SCAMP1: variants seen among roughly 807,000 people sequenced by gnomAD.
SCAMP1 encodes secretory carrier membrane protein 1.
A neutral mutation model predicts 41.8 loss-of-function variants in SCAMP1; 15 were observed. That is an observed-to-expected ratio of 0.36 (90% CI 0.24 to 0.55). The LOEUF (loss-of-function observed/expected upper bound fraction) is 0.55. Ranked by LOEUF, SCAMP1 falls within the 20% of genes least tolerant of loss-of-function variation. The pLI, the probability that SCAMP1 is intolerant of heterozygous loss-of-function variation, is 0.86. For missense variants in SCAMP1, 341 were observed against 412.6 expected (o/e 0.83, Z 1.50); for synonymous variants, 135 against 136.8 (o/e 0.99, Z 0.09).
chr5:78,376,802 A>G (rs533029470), intron 1 of SCAMP1, among the ~76,000 whole-genome samples: 25 of 152,274 alleles, frequency 1.6e-4, no homozygotes, highest in Middle Eastern at 3.4e-3. Context: ...TGGCAGATTG[A>G]TCTCTGGGGT....
intron 1 of SCAMP1, among the ~76,000 whole-genome samples, chr5:78,373,369 A>T (rs1750987847): frequency 6.6e-6 from 1 of 152,194 alleles, no homozygotes; most frequent in African/African-American, 2.4e-5. Flanking sequence ...TTTTTGCAAT[A>T]TGCTACTTAC....
At chr5:78,429,090 G>A (rs906205523) in intron 6 of SCAMP1, among the ~76,000 whole-genome samples, 2 of 152,012 alleles carry the variant, frequency 1.3e-5, no homozygotes, top group East Asian at 1.9e-4. Flanking sequence ...AAATAAAAAT[G>A]TTTGCTTATT....
At chr5:78,362,494 T>G (rs967787623) in intron 1 of SCAMP1, among the ~76,000 whole-genome samples, 19 of 152,202 alleles carry the variant, frequency 1.2e-4, no homozygotes, top group African/African-American at 4.3e-4. Flanking sequence ...AACCCAGGAG[T>G]TGTTTTAAAT....
intron 8 of SCAMP1, among the ~76,000 whole-genome samples, chr5:78,469,913 C>CAAAAAAAAAAAAAAAAAAAAAA (rs1561290939): frequency 8.6e-4 from 20 of 23,188 alleles, no homozygotes; most frequent in South Asian, 1.7e-3. Flanking sequence ...AAAAAAAAAA[C>CAAAAAAAAAAAAAAAAAAAAAA]AAAAAAAAAA....
At chr5:78,457,406 C>G (rs368353123) in intron 7 of SCAMP1, among the ~76,000 whole-genome samples, 5 of 152,094 alleles carry the variant, frequency 3.3e-5, no homozygotes, top group East Asian at 3.9e-4. Flanking sequence ...TTCTAACAGA[C>G]AGGACCCTCA....
intron 1 of SCAMP1, among the ~76,000 whole-genome samples, chr5:78,374,866 G>C (rs917214123): frequency 2.0e-5 from 3 of 152,000 alleles, no homozygotes; most frequent in African/African-American, 7.2e-5. Context: ...TCAAAATCAT[G>C]ATTTATTGAA....
rs147322320 is a variant in SCAMP1, at chr5:78,469,932, ACAAC to A, written c.853-5571_853-5568del. On this transcript the variant is annotated intron_variant, in intron 8 of 8. Coordinates refer to ENST00000621999, the MANE Select transcript of SCAMP1 (RefSeq NM_004866.6). ...AAAAAACAAAAAAAAAAAAAAAAAA[ACAAC>A]AACACAGCCCAGGCATGGTGGTGTG... 2.1e-3 allele frequency among the ~76,000 whole-genome samples: 33 copies of A among 15,726 alleles called. 1 individual carries two copies. Among genetic ancestry groups the A allele is most frequent in the East Asian group, 7.7e-3 (3 of 388 alleles). The allele number at this position is 15,726 out of a possible 152,430, so 10.3% of individuals were successfully genotyped here.
intron 1 of SCAMP1, among the ~76,000 whole-genome samples, chr5:78,373,317 A>C (rs1007616857): frequency 6.6e-6 from 1 of 152,184 alleles, no homozygotes; most frequent in Non-Finnish European, 1.5e-5. Flanking sequence ...TAGAAAAAGC[A>C]TGTATTACTA....
chr5:78,388,853 A>G lies in SCAMP1; in HGVS notation c.74A>G (p.Gln25Arg), dbSNP rs1456757826. The G allele has an allele frequency of 1.3e-6, 2 of 1,543,642 alleles. No individual in the cohort carries two copies. The highest frequency in any genetic ancestry group is 1.8e-6 in the Non-Finnish European group (2 of 1,121,724). The change falls in exon 2 of 9, where the codon CAA becomes CGA. Residue 25 changes from glutamine to arginine, a missense_variant. Transcript: ENST00000621999. ...NNPFKDPSVT[Q>R]VTRNVPPGLD... Reference sequence around the variant, plus strand: ...TTATTCTAGGATCCATCAGTTACACAAGTGACAAGAAATGTTCCACCAGGA... The same window carrying G: ...TTATTCTAGGATCCATCAGTTACACGAGTGACAAGAAATGTTCCACCAGGA...
At chr5:78,429,943 A>T (rs1752561849) in intron 6 of SCAMP1, among the ~76,000 whole-genome samples, 1 of 141,662 alleles carries the variant, frequency 7.1e-6, no homozygotes, top group Admixed American at 6.8e-5. Flanking sequence ...CCCAACACAC[A>T]TGCATCTTTT....
intron 2 of SCAMP1, among the ~76,000 whole-genome samples, chr5:78,401,222 T>G (rs1000135304): frequency 1.3e-5 from 2 of 152,280 alleles, no homozygotes. Flanking sequence ...GTTTCATATA[T>G]GGTTGGATTC....
chr5:78,416,701 A>G lies in SCAMP1; in HGVS notation c.343+52A>G, dbSNP rs1460446050. ...AAATAACTTTTAAATACTTTACATT[A>G]TGTCTATACTAGCTCCTAGGTCATT... On this transcript the variant is annotated intron_variant, in intron 4 of 8. Coordinates refer to ENST00000621999, the MANE Select transcript of SCAMP1 (RefSeq NM_004866.6). The G allele has an allele frequency of 3.0e-6, 4 of 1,324,802 alleles. No individual in the cohort carries two copies. In the East Asian group the frequency reaches 7.6e-5, roughly 25 times the overall value. 82.1% of individuals were successfully genotyped at this position (1,324,802 alleles called of 1,614,324 possible).
chr5:78,480,168 T>C lies in SCAMP1; in HGVS notation c.*4500T>C, dbSNP rs1380827084. On this transcript the variant is annotated 3_prime_UTR_variant, in exon 9 of 9. Transcript: ENST00000621999. ...TTGTGTTTGTCCAAATCCTGATTTA[T>C]TTTTCAGTTCATATCTTTCTGGGCT... Among the ~76,000 whole-genome samples the C allele has an allele frequency of 6.6e-6, 1 of 152,234 alleles. No homozygotes were observed. Among genetic ancestry groups the C allele is most frequent in the African/African-American group, 2.4e-5 (1 of 41,464 alleles).
intron 7 of SCAMP1, among the ~76,000 whole-genome samples, chr5:78,456,277 T>C (rs1404705770): frequency 6.6e-6 from 1 of 150,680 alleles, no homozygotes; most frequent in Admixed American, 6.6e-5. Context: ...TTCTTCCTAG[T>C]CTCGATGGTC....
intron 2 of SCAMP1, among the ~76,000 whole-genome samples, chr5:78,409,167 G>A (rs921796610): frequency 1.3e-5 from 2 of 152,112 alleles, no homozygotes; most frequent in Non-Finnish European, 2.9e-5. Flanking sequence ...TAGTAATTTG[G>A]TGAATGGTTT....
intron 8 of SCAMP1, among the ~76,000 whole-genome samples, chr5:78,460,654 A>G (rs1266554040): frequency 6.6e-6 from 1 of 150,804 alleles, no homozygotes; most frequent in Non-Finnish European, 1.5e-5. Flanking sequence ...GTCCTTTGTC[A>G]GATGCATAGT....
chr5:78,460,817 CTTCCTTTCTT>C (rs1473507014), intron 8 of SCAMP1, among the ~76,000 whole-genome samples: 360 of 26,730 alleles, frequency 0.013, 11 homozygotes, highest in Middle Eastern at 0.022. Flanking sequence ...CCCTTCCTTC[CTTCCTTTCTT>C]GTCTTTCCTC....
chr5:78,472,731 C>T (rs1478436497), intron 8 of SCAMP1, among the ~76,000 whole-genome samples: 2 of 152,032 alleles, frequency 1.3e-5, no homozygotes, highest in African/African-American at 4.8e-5. Flanking sequence ...CTTTATTTTG[C>T]TTCTGTGTTC....
intron 2 of SCAMP1, among the ~76,000 whole-genome samples, chr5:78,400,362 T>C (rs1472925193): frequency 6.6e-6 from 1 of 152,236 alleles, no homozygotes; most frequent in Admixed American, 6.5e-5. Context: ...TTTTTGCCTT[T>C]CCACATAAAC....
Sources: allele counts gnomAD v4.1 joint callset (sites outside exome capture counted in the v4.1 genomes callset), GRCh38; gene constraint gnomAD v4.1.1; transcripts MANE v1.5; gene names NCBI Gene and HGNC (gene_info 2026-07-23, HGNC 2026-07-21).